The following CDH13 variants were observed in gnomAD, a reference collection of about 807,000 sequenced individuals.
The protein encoded by CDH13 is cadherin 13, also known as cadherin-13.
In CDH13, 24 loss-of-function variants were observed where a neutral mutation model predicts 63.8. The ratio of observed to expected loss-of-function variants is 0.38; its 90% CI spans 0.27 to 0.53. The LOEUF is 0.53. Among genes scored for constraint, CDH13 ranks in the 20% least tolerant of loss-of-function variants. The pLI is 0.85. For missense variants in CDH13, 1,049 were observed against 903.1 expected, an observed-to-expected ratio of 1.16 and a Z score of -2.07; for synonymous variants, 503 against 355.3, an observed-to-expected ratio of 1.42 and a Z score of -4.67.
intron 1 of CDH13, among the ~76,000 whole-genome samples, chr16:82,673,257 G>A (rs944358007): frequency 6.6e-6 from 1 of 152,032 alleles, no homozygotes; most frequent in African/African-American, 2.4e-5. Flanking sequence ...TCTCTTCTCA[G>A]CCGTGTGTCT....
intron 2 of CDH13, among the ~76,000 whole-genome samples, chr16:83,025,172 T>G (rs904825771): frequency 6.6e-6 from 1 of 152,218 alleles, no homozygotes; most frequent in Non-Finnish European, 1.5e-5. Context: ...GCTTTCTGTG[T>G]GTAGGCATGC....
intron 4 of CDH13, among the ~76,000 whole-genome samples, chr16:83,180,158 G>GTTTT (rs35835444): frequency 0.16 from 24,485 of 151,576 alleles, 2,441 homozygotes; most frequent in African/African-American, 0.29. Flanking sequence ...GTTGTTGTTG[G>GTTTT]TTTGTTTGTT....
intron 6 of CDH13, among the ~76,000 whole-genome samples, chr16:83,361,201 T>C (rs1419949591): frequency 6.6e-6 from 1 of 152,224 alleles, no homozygotes; most frequent in African/African-American, 2.4e-5. Context: ...TCACAATTTT[T>C]CATATGTTTT....
chr16:82,859,910 T>C (rs932213633), intron 2 of CDH13, among the ~76,000 whole-genome samples: 2 of 152,194 alleles, frequency 1.3e-5, no homozygotes, highest in African/African-American at 4.8e-5. Flanking sequence ...CAATAATTAG[T>C]CTGTAATGAC....
chr16:82,984,200 C>T (rs1398516961), intron 2 of CDH13, among the ~76,000 whole-genome samples: 1 of 152,234 alleles, frequency 6.6e-6, no homozygotes, highest in Admixed American at 6.5e-5. Context: ...AACTCTAAAA[C>T]CTTCTTTCCC....
At chr16:83,751,498 A>G (rs1383093424) in intron 11 of CDH13, among the ~76,000 whole-genome samples, 9 of 152,174 alleles carry the variant, frequency 5.9e-5, no homozygotes. Context: ...TAGAAAATGG[A>G]CGCGGTGATG....
intron 2 of CDH13, among the ~76,000 whole-genome samples, chr16:83,007,761 T>A (rs1023666435): frequency 1.3e-5 from 2 of 148,754 alleles, no homozygotes; most frequent in Non-Finnish European, 3.0e-5. Flanking sequence ...GAGGCGGGGG[T>A]GGCAGTGAGC....
intron 1 of CDH13, among the ~76,000 whole-genome samples, chr16:82,664,944 T>C (rs1414314736): frequency 1.3e-5 from 2 of 152,228 alleles, no homozygotes; most frequent in East Asian, 3.8e-4. Flanking sequence ...ATTCTCATTA[T>C]TCATGAATTC....
intron 2 of CDH13, among the ~76,000 whole-genome samples, chr16:82,982,295 A>G (rs1276230487): frequency 6.6e-6 from 1 of 152,132 alleles, no homozygotes; most frequent in South Asian, 2.1e-4. Flanking sequence ...TGCCAATAAT[A>G]TCTACAAGTT....
chr16:83,098,877 A>T (rs780462085), intron 3 of CDH13, among the ~76,000 whole-genome samples: 2 of 152,226 alleles, frequency 1.3e-5, no homozygotes, highest in East Asian at 1.9e-4. Flanking sequence ...TAAGACGTCA[A>T]TGCTGGGAAA....
intron 1 of CDH13, among the ~76,000 whole-genome samples, chr16:82,763,854 T>C (rs2034947915): frequency 6.6e-6 from 1 of 152,124 alleles, no homozygotes; most frequent in Non-Finnish European, 1.5e-5. Context: ...AGGTAATTTT[T>C]TGTAGATAGG....
intron 4 of CDH13, among the ~76,000 whole-genome samples, chr16:83,140,737 G>A (rs902583645): frequency 3.3e-5 from 5 of 152,310 alleles, no homozygotes; most frequent in East Asian, 1.9e-4. Context: ...TTACAGGTGC[G>A]AGCCGCTGCA....
intron 6 of CDH13, among the ~76,000 whole-genome samples, chr16:83,463,009 G>A (rs1351027329): frequency 6.6e-6 from 1 of 152,088 alleles, no homozygotes. Context: ...AACCCAGTGT[G>A]CCAAGCTCTA....
intron 8 of CDH13, among the ~76,000 whole-genome samples, chr16:83,635,206 T>G (rs1318228759): frequency 6.6e-6 from 1 of 152,194 alleles, no homozygotes; most frequent in African/African-American, 2.4e-5. Context: ...TGAAACATCT[T>G]TGCATGTGCT....
intron 2 of CDH13, among the ~76,000 whole-genome samples, chr16:82,996,195 A>G (rs1193046416): frequency 2.0e-5 from 3 of 152,186 alleles, no homozygotes; most frequent in Non-Finnish European, 4.4e-5. Flanking sequence ...CAGTGAGTAG[A>G]AGGTCATTAT....
chr16:82,694,744 CA>C (rs1159875599), intron 1 of CDH13, among the ~76,000 whole-genome samples: 1 of 152,136 alleles, frequency 6.6e-6, no homozygotes, highest in Non-Finnish European at 1.5e-5. Flanking sequence ...ATCACTCATT[CA>C]AAAAATATTC....
chr16:82,726,282 A>G (rs1189034913), intron 1 of CDH13, among the ~76,000 whole-genome samples: 1 of 152,166 alleles, frequency 6.6e-6, no homozygotes, highest in Admixed American at 6.5e-5. Context: ...TTGGCAAGCT[A>G]TAAGATCTTC....
chr16:82,736,677 T>A (rs1277055373), intron 1 of CDH13, among the ~76,000 whole-genome samples: 1 of 152,250 alleles, frequency 6.6e-6, no homozygotes, highest in African/African-American at 2.4e-5. Context: ...ATAATTTTTC[T>A]GATGTTTATC....
chr16:82,743,856 AGCTATTCAG>A (rs1348324482), intron 1 of CDH13, among the ~76,000 whole-genome samples: 4 of 152,194 alleles, frequency 2.6e-5, no homozygotes, highest in Non-Finnish European at 5.9e-5. Flanking sequence ...AAAAATTTCA[AGCTATTCAG>A]GTGTATGTAA....
Sources: gnomAD v4.1 joint callset for allele counts (sites outside exome capture counted in the v4.1 genomes callset) on GRCh38, gnomAD v4.1.1 for gene constraint, MANE v1.5 for transcripts, NCBI Gene and HGNC (gene_info 2026-07-23, HGNC 2026-07-21) for gene names.